Variants in LRRC15 observed in about 807,000 individuals in gnomAD.
LRRC15 encodes leucine-rich repeat-containing protein 15.
In LRRC15, 5 loss-of-function variants were observed where a neutral mutation model predicts 4.3. The observed-to-expected ratio is 1.16, with a 90% CI of 0.61 to 2.44. The LOEUF (loss-of-function observed/expected upper bound fraction) is 2.44. Among genes scored for constraint, LRRC15 ranks in the 30% most tolerant of loss-of-function variants. The pLI, the probability that LRRC15 is intolerant of heterozygous loss-of-function variation, is 0.01. For synonymous variants in LRRC15, 337 were observed against 323.2 expected, an observed-to-expected ratio of 1.04 and a Z score of -0.46; for missense variants, 769 against 747.0, an observed-to-expected ratio of 1.03 and a Z score of -0.34.
chr3:194,360,880 G>A lies in LRRC15; in HGVS notation c.164C>T (p.Ala55Val), dbSNP rs1713608501. The change falls in exon 2 of 2, where the codon GCC becomes GTC. Residue 55 changes from alanine to valine, a missense_variant. Physicochemically the swap from Ala to Val is moderately conservative, Grantham distance 64 (BLOSUM62 0). Coordinates refer to ENST00000347624, the MANE Select transcript of LRRC15 (RefSeq NM_130830.5). ...CGTGTTGAGGATCTGCAGGCTCATG[G>A]CGTTCCAGGGCAGAGGGGTGGGCAC... Reference protein sequence around the residue: ...VAVPTPLPWNAMSLQILNTHI... With the variant: ...VAVPTPLPWNVMSLQILNTHI... 5 of 1,607,772 alleles carry A rather than the reference G, an allele frequency of 3.1e-6. No homozygotes were observed. In the Admixed American group the frequency reaches 5.0e-5, roughly 16 times the overall value.
chr3:194,359,944 A>G lies in LRRC15; in HGVS notation c.1100T>C (p.Leu367Pro). The G allele has an allele frequency of 6.2e-7, 1 of 1,614,200 alleles. No homozygotes were observed. The highest frequency in any genetic ancestry group is 8.5e-7 in the Non-Finnish European group (1 of 1,180,040). Residue 367 changes from leucine (L) to proline (P), a missense_variant, in exon 2 of 2, where the codon CTG becomes CCG. By Grantham distance (98) the Leu-to-Pro change is moderately conservative (BLOSUM62 -3). Transcript: ENST00000347624. Reference protein sequence around the residue: ...DGNVFRMLANLQNISLQNNRL... With the variant: ...DGNVFRMLANPQNISLQNNRL... ...GTTGTTCTGCAGGGAGATGTTCTGC[A>G]GGTTGGCCAACATGCGGAAGACGTT...
At chr3:194,361,514 G>A (rs1054380767) in intron 1 of LRRC15, among the ~76,000 whole-genome samples, 2 of 152,182 alleles carry the variant, frequency 1.3e-5, no homozygotes, top group Non-Finnish European at 1.5e-5. Flanking sequence ...TCCTTAGGGC[G>A]GGAACTGTAT....
chr3:194,361,177 T>G, intron 1 of LRRC15, 131 bp from the exon 2 acceptor site: 1 of 720,260 alleles, frequency 1.4e-6, no homozygotes, highest in South Asian at 2.3e-5. Flanking sequence ...GAACACATGC[T>G]CTCTCTGCTC....
At chr3:194,363,510 C>T in intron 1 of LRRC15, 1 of 485,182 alleles carries the variant, frequency 2.1e-6, no homozygotes, top group African/African-American at 2.0e-5. Context: ...AAAAGTGGCT[C>T]AATATTCACC....
At chr3:194,362,369 C>A (rs905799417) in intron 1 of LRRC15, among the ~76,000 whole-genome samples, 1 of 152,118 alleles carries the variant, frequency 6.6e-6, no homozygotes, top group Non-Finnish European at 1.5e-5. Flanking sequence ...TGTGCAAATG[C>A]GTGCCTTGTT....
At position 194,359,133 on chromosome 3, in the gene LRRC15, T is replaced by C; in HGVS notation, c.*165A>G. ...AGGAAGGTCCGGCACGACCTGCTTC[T>C]CTACGGGAGAATCAGGCAAGTCAGG... On this transcript the variant is annotated 3_prime_UTR_variant, in exon 2 of 2. Transcript: ENST00000347624. 2 of 625,760 alleles carry C rather than the reference T, an allele frequency of 3.2e-6. No homozygotes were observed. Among genetic ancestry groups the C allele is most frequent in the Non-Finnish European group, 5.3e-6 (2 of 374,920 alleles). The allele number at this position is 625,760 out of a possible 1,614,324, so 38.8% of individuals were successfully genotyped here. A position where few individuals can be genotyped will look rare whatever the true frequency, so the allele number is the denominator to read the frequency against.
At chr3:194,366,349 C>T (rs369412387) in intron 1 of LRRC15, among the ~76,000 whole-genome samples, 2 of 152,238 alleles carry the variant, frequency 1.3e-5, no homozygotes, top group Non-Finnish European at 2.9e-5. Context: ...ACCCAATAAA[C>T]GTTTGTGACG....
rs1443228848 is a variant in LRRC15, at chr3:194,368,982, G to C, written c.-4+679C>G. Among the ~76,000 whole-genome samples the C allele has an allele frequency of 2.0e-5, 3 of 152,256 alleles. No individual in the cohort carries two copies. The South Asian group carries it at 6.2e-4, about 32-fold the overall frequency. ...AGAGGCCGACGCTTCCAGCAGGAGA[G>C]AGGGGAAACTGCCAGCATAGTGTCC... On this transcript the variant is annotated intron_variant, in intron 1 of 1. Transcript: ENST00000347624.
At position 194,355,266 on chromosome 3, in the gene LRRC15, T is replaced by C. The variant is rs1713393576; in HGVS notation, c.*4032A>G. 1 of 152,200 alleles carries C rather than the reference T, an allele frequency of 6.6e-6. No individual in the cohort carries two copies. The highest frequency in any genetic ancestry group is 1.5e-5 in the Non-Finnish European group (1 of 68,052). 9.4% of individuals were successfully genotyped at this position (152,200 alleles called of 1,614,324 possible). On this transcript the variant is annotated 3_prime_UTR_variant, in exon 2 of 2. Coordinates refer to ENST00000347624, the MANE Select transcript of LRRC15 (RefSeq NM_130830.5). ...CCCATGTATACATGTATATTATTTA[T>C]TGTTGATTCTGTACACCAAATGGAT...
rs1390275470 is a variant in LRRC15 at position 194,358,491 on chromosome 3, A to G, written c.*807T>C. 1.3e-5 allele frequency: 2 copies of G among 152,262 alleles called. No homozygotes were observed. The highest frequency in any genetic ancestry group is 4.8e-5 in the African/African-American group (2 of 41,458). The allele number at this position is 152,262 out of a possible 1,614,324, so 9.4% of individuals were successfully genotyped here. ...TGTTTTTAGAAGTCCAAAATTCTAC[A>G]TGATTTCATTCCTTAAAGGGCTAAA... On this transcript the variant is annotated 3_prime_UTR_variant, in exon 2 of 2. Coordinates refer to ENST00000347624, the MANE Select transcript of LRRC15 (RefSeq NM_130830.5).
chr3:194,360,127 G>C lies in LRRC15; in HGVS notation c.917C>G (p.Ser306Cys). The change falls in exon 2 of 2, where the codon TCT becomes TGT. Residue 306 changes from serine to cysteine, a missense_variant. Transcript: ENST00000347624. ...RELWLYDNHISSLPDNVFSNL... is the reference protein window; with the variant it reads ...RELWLYDNHICSLPDNVFSNL... Reference sequence around the variant, plus strand: ...GCTGAAGACATTGTCGGGTAGAGAAGAGATGTGGTTGTCATAGAGCCAAAG... The same window carrying C: ...GCTGAAGACATTGTCGGGTAGAGAACAGATGTGGTTGTCATAGAGCCAAAG... The C allele has an allele frequency of 6.2e-7, 1 of 1,614,234 alleles. No homozygotes were observed. Among genetic ancestry groups the C allele is most frequent in the Non-Finnish European group, 8.5e-7 (1 of 1,180,048 alleles).
chr3:194,362,287 A>G (rs73081799), intron 1 of LRRC15, among the ~76,000 whole-genome samples: 5,641 of 151,812 alleles, frequency 0.037, 139 homozygotes, highest in African/African-American at 0.071. Flanking sequence ...GGGGATGGTA[A>G]CTCCCGCCCC....
chr3:194,359,158 GA>G lies in LRRC15; in HGVS notation c.*139del, dbSNP rs1713519537. On this transcript the variant is annotated 3_prime_UTR_variant, in exon 2 of 2. Transcript: ENST00000347624. ...TCTACGGGAGAATCAGGCAAGTCAG[GA>G]AGAGGTAGGCTCACCTTTCTCTGGG... 2.7e-6 allele frequency: 2 copies of G among 752,734 alleles called. No individual in the cohort carries two copies. The highest frequency in any genetic ancestry group is 4.0e-5 in the South Asian group (2 of 50,356). The allele number at this position is 752,734 out of a possible 1,614,324, so 46.6% of individuals were successfully genotyped here.
In LRRC15 at chr3:194,360,226, C is replaced by A; in HGVS notation, c.818G>T (p.Arg273Leu). The change falls in exon 2 of 2, where the codon CGT (arginine) becomes CTT (leucine). Residue 273 changes from arginine (R) to leucine (L), a missense_variant. Physicochemically the swap from Arg to Leu is moderately radical, Grantham distance 102. Coordinates refer to ENST00000347624, the MANE Select transcript of LRRC15 (RefSeq NM_130830.5). ...CAGGGAATTCCCAAAGAGAGTAAGA[C>A]GGTTGAGCTGGGGCAGCTGCATGAA... ...SVFMQLPQLN[R>L]LTLFGNSLKE... The A allele has an allele frequency of 6.2e-7, 1 of 1,613,770 alleles. No homozygotes were observed. The highest frequency in any genetic ancestry group is 1.6e-4 in the Middle Eastern group (1 of 6,062).
intron 1 of LRRC15, 123 bp from the exon 2 acceptor site, chr3:194,361,169 A>T: frequency 1.3e-6 from 1 of 782,534 alleles, no homozygotes; most frequent in South Asian, 2.1e-5. Context: ...CACATACTGA[A>T]CACATGCTCT....
chr3:194,368,488 T>C (rs996657892), intron 1 of LRRC15, among the ~76,000 whole-genome samples: 3 of 152,106 alleles, frequency 2.0e-5, no homozygotes, highest in African/African-American at 7.2e-5. Context: ...CACAGGCAAA[T>C]TGGGCTGTCT....
chr3:194,361,577 C>T (rs756889459), intron 1 of LRRC15, among the ~76,000 whole-genome samples: 11 of 152,150 alleles, frequency 7.2e-5, no homozygotes, highest in Non-Finnish European at 1.5e-4. Context: ...TTAAGCACAG[C>T]CCTGTCAGGA....
chr3:194,360,994 C>T lies in LRRC15; in HGVS notation c.50G>A (p.Gly17Asp), dbSNP rs1358731917. The stretch of plus-strand genomic sequence containing the variant: ...GCAGCCATGGTAGGCCAACCCTGCA[C>T]CCCAGGCTTGGCAGCCCACCAGCAA... ...LLLLVGCQAW[G>D]AGLAYHGCPS... Residue 17 changes from glycine to aspartate, a missense_variant, in exon 2 of 2, where the codon GGT (glycine) becomes GAT (aspartate). Coordinates refer to ENST00000347624, the MANE Select transcript of LRRC15 (RefSeq NM_130830.5). 6 of 1,531,654 alleles carry T rather than the reference C, an allele frequency of 3.9e-6. No individual in the cohort carries two copies. In the East Asian group the frequency reaches 9.0e-5, roughly 23 times the overall value. 94.9% of individuals were successfully genotyped at this position (1,531,654 alleles called of 1,614,324 possible).
At chr3:194,362,939 G>GT (rs140437995) in intron 1 of LRRC15, among the ~76,000 whole-genome samples, 1,228 of 78,326 alleles carry the variant, frequency 0.016, 23 homozygotes, top group East Asian at 0.034. Flanking sequence ...CCTTGATTTT[G>GT]TTTTTTTTTT....
Sources: gnomAD v4.1 joint callset for allele counts (sites outside exome capture counted in the v4.1 genomes callset) on GRCh38, gnomAD v4.1.1 for gene constraint, MANE v1.5 for transcripts, NCBI Gene and HGNC (gene_info 2026-07-23, HGNC 2026-07-21) for gene names.